Variants in DNAL1 observed in about 807,000 individuals in gnomAD.
The protein encoded by DNAL1 is chromosome 14 open reading frame 168.
In DNAL1, 17 loss-of-function variants were observed where a neutral mutation model predicts 29.4. The observed-to-expected ratio is 0.58, with a 90% CI of 0.40 to 0.87. The LOEUF is 0.87. Among genes scored for constraint, DNAL1 ranks in the 40% least tolerant of loss-of-function variants. DNAL1 has a pLI of 0.00. For missense variants in DNAL1, 188 were observed against 214.1 expected (o/e 0.88, Z 0.76); for synonymous variants, 78 against 76.3 (o/e 1.02, Z -0.12).
chr14:73,673,498 A>C (rs995619279), intron 5 of DNAL1, among the ~76,000 whole-genome samples: 1 of 152,228 alleles, frequency 6.6e-6, no homozygotes, highest in Non-Finnish European at 1.5e-5. Flanking sequence ...AGATATCGTC[A>C]CTTTTTATAC....
chr14:73,655,469 C>T (rs190995201), intron 2 of DNAL1, among the ~76,000 whole-genome samples: 17 of 151,580 alleles, frequency 1.1e-4, no homozygotes, highest in Non-Finnish European at 2.4e-4. Flanking sequence ...CTCAGCCTCC[C>T]GAGTAGCTGG....
chr14:73,658,984 T>G (rs772487723), intron 3 of DNAL1, 28 bp downstream of exon 3: 1 of 1,366,094 alleles, frequency 7.3e-7, no homozygotes, highest in East Asian at 2.6e-5. Flanking sequence ...CCTTCCAGTA[T>G]TGCTGTTAGG....
In DNAL1 at chr14:73,656,079, A is replaced by G. The variant is rs1312250198; in HGVS notation, c.42+1194A>G. Among the ~76,000 whole-genome samples, 4 of 152,098 alleles carry G rather than the reference A, an allele frequency of 2.6e-5. No individual in the cohort carries two copies. In the East Asian group the frequency reaches 7.7e-4, roughly 29 times the overall value. ...CTAAGATCTAGTGTAGTTTTTTTGC[A>G]TAATAATGTACCTTTTGCTTCTGTA... On this transcript the variant is annotated intron_variant, in intron 2 of 7. Transcript: ENST00000553645.
At chr14:73,663,180 TTA>T (rs887647905) in intron 4 of DNAL1, among the ~76,000 whole-genome samples, 3 of 151,898 alleles carry the variant, frequency 2.0e-5, no homozygotes, top group African/African-American at 7.3e-5. Context: ...GTATTTACCC[TTA>T]TATAGCATAG....
chr14:73,665,450 T>C (rs140314150), intron 4 of DNAL1, among the ~76,000 whole-genome samples: 2 of 152,340 alleles, frequency 1.3e-5, no homozygotes, highest in South Asian at 2.1e-4. Flanking sequence ...AGCAAGTTGA[T>C]AACATATTAT....
At position 73,646,617 on chromosome 14, in the gene DNAL1, C is replaced by T. The variant is rs574798637; in HGVS notation, c.3+1575C>T. The stretch of plus-strand genomic sequence containing the variant: ...CCTCTACTAAAAATACAAAGATTAG[C>T]GGGGCATGGTGGCGAGTGGCTGTAA... On this transcript the variant is annotated intron_variant, in intron 1 of 7. Coordinates refer to ENST00000553645, the MANE Select transcript of DNAL1 (RefSeq NM_031427.4). Among the ~76,000 whole-genome samples the T allele has an allele frequency of 8.0e-4, 121 of 152,096 alleles. 1 individual carries two copies. The highest frequency in any genetic ancestry group is 2.8e-3 in the African/African-American group (118 of 41,500).
intron 6 of DNAL1, among the ~76,000 whole-genome samples, chr14:73,688,052 G>C (rs1892065534): frequency 6.6e-6 from 1 of 151,962 alleles, no homozygotes; most frequent in African/African-American, 2.4e-5. Flanking sequence ...TAATCTGATA[G>C]GTCCTGGTCC....
intron 3 of DNAL1, among the ~76,000 whole-genome samples, chr14:73,660,006 A>C (rs1891308322): frequency 6.6e-6 from 1 of 152,084 alleles, no homozygotes; most frequent in African/African-American, 2.4e-5. Flanking sequence ...GGCTCATTGG[A>C]ACCTCTGCCT....
chr14:73,680,079 T>G (rs1891840314), intron 5 of DNAL1, among the ~76,000 whole-genome samples: 1 of 152,192 alleles, frequency 6.6e-6, no homozygotes, highest in Admixed American at 6.5e-5. Context: ...GAATTTATTT[T>G]GATATCAAGA....
In DNAL1 at chr14:73,699,511, G is replaced by A. The variant is rs990536209; in HGVS notation, c.*3569G>A. The A allele has an allele frequency of 2.0e-5, 3 of 151,956 alleles. No individual in the cohort carries two copies. The highest frequency in any genetic ancestry group is 7.3e-5 in the African/African-American group (3 of 41,316). 9.4% of individuals were successfully genotyped at this position (151,956 alleles called of 1,614,324 possible). ...AGTACAGACGGCGTTTCACCATATT[G>A]GCCAGGCTGGTCTCAAACTCCTGAC... is the stretch of plus-strand genomic sequence containing the variant. On this transcript the variant is annotated 3_prime_UTR_variant, in exon 8 of 8. Transcript: ENST00000553645.
chr14:73,693,724 A>T (rs1892229961), intron 7 of DNAL1, among the ~76,000 whole-genome samples: 1 of 152,152 alleles, frequency 6.6e-6, no homozygotes, highest in Non-Finnish European at 1.5e-5. Flanking sequence ...AAAGACAAAC[A>T]AAAAACAAGG....
In DNAL1 at chr14:73,689,026, G is replaced by GTT. The variant is rs71112794; in HGVS notation, c.392-325_392-324dup. 4.2e-3 allele frequency among the ~76,000 whole-genome samples: 386 copies of GTT among 92,252 alleles called. 6 individuals are homozygous for GTT. The highest frequency in any genetic ancestry group is 8.3e-3 in the African/African-American group (169 of 20,356). The allele number at this position is 92,252 out of a possible 152,430, so 60.5% of individuals were successfully genotyped here. ...CAAAATTGTAACAGTAAAACTTGCT[G>GTT]TTTTTTTTTTTTTTTTTTTTTTTTT... On this transcript the variant is annotated intron_variant, in intron 6 of 7. Coordinates refer to ENST00000553645, the MANE Select transcript of DNAL1 (RefSeq NM_031427.4).
intron 4 of DNAL1, among the ~76,000 whole-genome samples, chr14:73,670,330 G>GA (rs1891589975): frequency 1.3e-5 from 2 of 152,168 alleles, no homozygotes; most frequent in Non-Finnish European, 2.9e-5. Flanking sequence ...ATGTGACTGA[G>GA]AAACTGAATT....
At chr14:73,670,976 T>C (rs572956497) in intron 4 of DNAL1, among the ~76,000 whole-genome samples, 2 of 152,032 alleles carry the variant, frequency 1.3e-5, no homozygotes, top group Non-Finnish European at 2.9e-5. Context: ...GACCTCGTGA[T>C]CCGCCCGCCT....
At position 73,698,208 on chromosome 14, in the gene DNAL1, CT is replaced by C. The variant is rs1351294036; in HGVS notation, c.*2270del. The stretch of plus-strand genomic sequence containing the variant: ...GTAGTTCTCAGACAAATGTAAGATA[CT>C]TTTCTCTGTCCATTTCATGCAAAAT... On this transcript the variant is annotated 3_prime_UTR_variant, in exon 8 of 8. Transcript: ENST00000553645. 1.3e-5 allele frequency: 2 copies of C among 152,136 alleles called. No homozygotes were observed. The highest frequency in any genetic ancestry group is 2.9e-5 in the Non-Finnish European group (2 of 68,026). The allele number at this position is 152,136 out of a possible 1,614,324, so 9.4% of individuals were successfully genotyped here.
chr14:73,688,062 C>T (rs1892066014), intron 6 of DNAL1, among the ~76,000 whole-genome samples: 1 of 151,560 alleles, frequency 6.6e-6, no homozygotes, highest in Non-Finnish European at 1.5e-5. Flanking sequence ...GGTCCTGGTC[C>T]TATTAATCAT....
rs988874757 is a variant in DNAL1, at chr14:73,659,032, T to C, written c.152+76T>C. 16 of 1,066,352 alleles carry C rather than the reference T, an allele frequency of 1.5e-5. No individual in the cohort carries two copies. In the African/African-American group the frequency reaches 2.6e-4, roughly 17 times the overall value. 66.1% of individuals were successfully genotyped at this position (1,066,352 alleles called of 1,614,324 possible). A position where few individuals can be genotyped will look rare whatever the true frequency, so the allele number is the denominator to read the frequency against. On this transcript the variant is annotated intron_variant, in intron 3 of 7. Coordinates refer to ENST00000553645, the MANE Select transcript of DNAL1 (RefSeq NM_031427.4). The stretch of plus-strand genomic sequence containing the variant: ...TTCTTAAACACACAAAGTAGGAAAA[T>C]ATGTTTGTTTTCTGTGGTCTTCATT...
rs978111614 is a variant in DNAL1, at chr14:73,695,810, T to C, written c.533-92T>C. ...TCCCAAAGTGCTGGGATTACAGGCG[T>C]GAGCCACCGTGCCCGGCCAGGAAAA... On this transcript the variant is annotated intron_variant, in intron 7 of 7. Coordinates refer to ENST00000553645, the MANE Select transcript of DNAL1 (RefSeq NM_031427.4). 8.3e-6 allele frequency: 9 copies of C among 1,085,788 alleles called. No homozygotes were observed. In the African/African-American group the frequency reaches 1.4e-4, roughly 17 times the overall value. The allele number at this position is 1,085,788 out of a possible 1,614,324, so 67.3% of individuals were successfully genotyped here.
intron 7 of DNAL1, among the ~76,000 whole-genome samples, chr14:73,690,050 A>C (rs993721619): frequency 7.6e-6 from 1 of 131,378 alleles, no homozygotes; most frequent in South Asian, 2.6e-4. Context: ...AAAAAAAAAA[A>C]AGAAAAGAAA....
Sources: gnomAD v4.1 joint callset for allele counts (sites outside exome capture counted in the v4.1 genomes callset) on GRCh38, gnomAD v4.1.1 for gene constraint, MANE v1.5 for transcripts, NCBI Gene and HGNC (gene_info 2026-07-23, HGNC 2026-07-21) for gene names.